The following GADL1 variants were observed in gnomAD, a reference collection of about 807,000 sequenced individuals.
The protein encoded by GADL1 is acidic amino acid decarboxylase GADL1.
A neutral mutation model predicts 69.5 loss-of-function variants in GADL1; 71 were observed. That is an observed-to-expected ratio of 1.02 (90% CI 0.84 to 1.25). The LOEUF is 1.25. Among genes scored for constraint, GADL1 ranks in the 50% most tolerant of loss-of-function variants. The pLI is 0.00. For missense variants in GADL1, 737 were observed against 631.8 expected (o/e 1.17, Z -1.79); for synonymous variants, 254 against 214.4 (o/e 1.18, Z -1.62).
At chr3:30,806,126 T>C (rs1697251772) in intron 11 of GADL1, among the ~76,000 whole-genome samples, 1 of 152,044 alleles carries the variant, frequency 6.6e-6, no homozygotes. Flanking sequence ...GCAATGATGT[T>C]TTTCAGCTCA....
intron 11 of GADL1, among the ~76,000 whole-genome samples, chr3:30,813,396 T>C (rs1002005515): frequency 6.6e-6 from 1 of 152,044 alleles, no homozygotes. Flanking sequence ...ATAGAAATGT[T>C]CTCTTTCAAA....
intron 14 of GADL1, 45 bp from the exon 15 acceptor site, chr3:30,728,460 A>G (rs763699450): frequency 8.0e-6 from 12 of 1,503,312 alleles, no homozygotes; most frequent in Middle Eastern, 2.0e-4. Flanking sequence ...CCAGAACATC[A>G]AGGCATTTCA....
At chr3:30,851,918 G>A (rs963809922) in intron 4 of GADL1, among the ~76,000 whole-genome samples, 4 of 131,340 alleles carry the variant, frequency 3.0e-5, no homozygotes, top group African/African-American at 7.1e-5. Context: ...CATTGTAACA[G>A]TCACCATGCC....
intron 1 of GADL1, among the ~76,000 whole-genome samples, chr3:30,882,818 A>C (rs561410133): frequency 6.6e-6 from 1 of 151,282 alleles, no homozygotes; most frequent in East Asian, 1.9e-4. Context: ...CATACTCTCC[A>C]GCACTTGTTA....
chr3:30,884,065 C>T (rs757473766), intron 1 of GADL1, among the ~76,000 whole-genome samples: 1 of 151,910 alleles, frequency 6.6e-6, no homozygotes, highest in Non-Finnish European at 1.5e-5. Context: ...CTACAAAATT[C>T]TGCTATTCCA....
intron 1 of GADL1, among the ~76,000 whole-genome samples, chr3:30,888,436 G>T (rs565643721): frequency 4.9e-4 from 75 of 152,158 alleles, no homozygotes; most frequent in Admixed American, 1.5e-3. Context: ...AGACCCTCAG[G>T]AATCCTCAGA....
intron 1 of GADL1, among the ~76,000 whole-genome samples, chr3:30,862,893 G>A (rs4245896): frequency 6.6e-6 from 1 of 151,406 alleles, no homozygotes; most frequent in South Asian, 2.1e-4. Flanking sequence ...TTTCATTCTT[G>A]CAGCATCTTG....
intron 14 of GADL1, among the ~76,000 whole-genome samples, chr3:30,741,103 G>A (rs1219638409): frequency 1.8e-5 from 1 of 54,756 alleles, no homozygotes; most frequent in Non-Finnish European, 3.1e-5. Context: ...TTATATATAT[G>A]TATTCCTAGT....
chr3:30,857,031 G>A lies in GADL1; in HGVS notation c.321C>T (p.His107=), dbSNP rs1384199995. 2.6e-6 allele frequency: 4 copies of A among 1,549,472 alleles called. No homozygotes were observed. Among genetic ancestry groups the A allele is most frequent in the Non-Finnish European group, 1.7e-6 (2 of 1,145,284 alleles). ...AGTTCTTACTAGTTTTGACACTGTA[G>A]TGTATGACATCCCGACAGAGTTCCA... The part of the protein sequence containing the change: ...KLLELCRDVI[H]YSVKTNHPRF... Residue 107 remains histidine (H), a synonymous_variant, in exon 3 of 15, where the codon CAC becomes CAT. Coordinates refer to ENST00000282538, the MANE Select transcript of GADL1 (RefSeq NM_207359.3).
chr3:30,769,469 G>A (rs550987683), intron 14 of GADL1, among the ~76,000 whole-genome samples: 1 of 152,220 alleles, frequency 6.6e-6, no homozygotes, highest in African/African-American at 2.4e-5. Context: ...ATTGTCTCCT[G>A]TACCCTCTTC....
chr3:30,889,320 C>G (rs1698753062), intron 1 of GADL1, among the ~76,000 whole-genome samples: 1 of 152,126 alleles, frequency 6.6e-6, no homozygotes, highest in African/African-American at 2.4e-5. Flanking sequence ...GGTGGGGACA[C>G]AGCCAAACCA....
chr3:30,770,396 A>C (rs1462254324), intron 14 of GADL1, among the ~76,000 whole-genome samples: 2 of 152,228 alleles, frequency 1.3e-5, no homozygotes, highest in East Asian at 1.9e-4. Flanking sequence ...TAAATGATAA[A>C]CTTGGCTCAT....
intron 11 of GADL1, 125 bp downstream of exon 11, chr3:30,833,728 A>G (rs1397118759): frequency 3.0e-6 from 2 of 663,208 alleles, no homozygotes; most frequent in East Asian, 2.6e-5. Flanking sequence ...CCATCAACAC[A>G]TTTCCCAAAC....
chr3:30,849,800 G>A (rs555332474), intron 6 of GADL1, among the ~76,000 whole-genome samples, 196 bp downstream of exon 6: 6 of 152,034 alleles, frequency 3.9e-5, no homozygotes, highest in Non-Finnish European at 7.4e-5. Flanking sequence ...TTTAAATAAA[G>A]GTAATTATAC....
intron 14 of GADL1, among the ~76,000 whole-genome samples, chr3:30,765,874 C>T (rs1696264239): frequency 1.3e-5 from 2 of 152,126 alleles, no homozygotes; most frequent in Admixed American, 1.3e-4. Context: ...GTCTGTTTCT[C>T]TCGCCTCTAG....
At position 30,873,014 on chromosome 3, in the gene GADL1, C is replaced by T. The variant is rs937482316; in HGVS notation, c.38-11249G>A. ...TGCTGTTTTTTTTCTAACTTTCTTC[C>T]CATGTATAATTCTGGATGCTTGAGG... On this transcript the variant is annotated intron_variant, in intron 1 of 14. Transcript: ENST00000282538. 3.3e-5 allele frequency among the ~76,000 whole-genome samples: 5 copies of T among 151,972 alleles called. No individual in the cohort carries two copies. The South Asian group carries it at 8.3e-4, about 25-fold the overall frequency.
intron 11 of GADL1, among the ~76,000 whole-genome samples, chr3:30,803,031 G>A (rs1034916829): frequency 3.3e-5 from 5 of 152,142 alleles, no homozygotes; most frequent in African/African-American, 1.2e-4. Context: ...GGTCGAAGCT[G>A]CAGTGAGCTG....
At chr3:30,871,042 A>AGT (rs4016178) in intron 1 of GADL1, among the ~76,000 whole-genome samples, 15,786 of 141,370 alleles carry the variant, frequency 0.11, 912 homozygotes, top group African/African-American at 0.15. Flanking sequence ...AAGGCAGAAA[A>AGT]GTGTGTGTGT....
At chr3:30,836,532 T>C (rs908930359) in intron 9 of GADL1, among the ~76,000 whole-genome samples, 5 of 152,124 alleles carry the variant, frequency 3.3e-5, no homozygotes, top group Non-Finnish European at 4.4e-5. Context: ...CAATAAAGAC[T>C]GTCATTTATT....
Sources: allele counts gnomAD v4.1 joint callset (sites outside exome capture counted in the v4.1 genomes callset), GRCh38; gene constraint gnomAD v4.1.1; transcripts MANE v1.5; gene names NCBI Gene and HGNC (gene_info 2026-07-23, HGNC 2026-07-21).